SEC22A: variants seen among roughly 807,000 people sequenced by gnomAD.
SEC22A encodes SEC22 homolog A, vesicle trafficking protein, also known as vesicle-trafficking protein SEC22a.
SEC22A carries 22 observed loss-of-function variants against 35.3 expected under a neutral mutation model. That is an observed-to-expected ratio of 0.62 (90% confidence interval 0.45 to 0.89). The LOEUF is 0.89. Among genes scored for constraint, SEC22A ranks in the 40% least tolerant of loss-of-function variants. The pLI is 0.00. For synonymous variants in SEC22A, 119 were observed against 129.5 expected (o/e 0.92, Z 0.55); for missense variants, 354 against 362.5 (o/e 0.98, Z 0.19).
At chr3:123,223,389 A>G (rs1258547299) in intron 2 of SEC22A, among the ~76,000 whole-genome samples, 170 bp from the exon 3 acceptor site, 4 of 152,178 alleles carry the variant, frequency 2.6e-5, no homozygotes, top group Non-Finnish European at 5.9e-5. Context: ...ACAACTTAAA[A>G]TAGTGCTGTA....
At chr3:123,213,566 G>A (rs1044830891) in intron 2 of SEC22A, among the ~76,000 whole-genome samples, 3 of 151,904 alleles carry the variant, frequency 2.0e-5, no homozygotes, top group African/African-American at 4.8e-5. Context: ...TGTAGAACTC[G>A]GTTGACTGCC....
Position 123,273,387 on chromosome 3 carries a change from TCTC to T in SEC22A, c.*1669_*1671del, listed in dbSNP as rs1938215698. On this transcript the variant is annotated 3_prime_UTR_variant, in exon 7 of 7. Coordinates refer to ENST00000492595, the MANE Select transcript of SEC22A (RefSeq NM_012430.5). ...AGGAAATAGTAGTTGGCTCCAGTCT[TCTC>T]CTCTAACAAAAGTATGCATATTCTG... 2 of 152,164 alleles carry T rather than the reference TCTC, an allele frequency of 1.3e-5. No individual in the cohort carries two copies. Among genetic ancestry groups the T allele is most frequent in the Admixed American group, 1.3e-4 (2 of 15,282 alleles). 9.4% of individuals were successfully genotyped at this position (152,164 alleles called of 1,614,324 possible). A position where few individuals can be genotyped will look rare whatever the true frequency, so the allele number is the denominator to read the frequency against.
At chr3:123,271,466 A>AC in intron 6 of SEC22A, 56 bp from the exon 7 acceptor site, 1 of 1,424,864 alleles carries the variant, frequency 7.0e-7, no homozygotes. Context: ...TATATTAGAA[A>AC]CATCTGTTTC....
intron 5 of SEC22A, among the ~76,000 whole-genome samples, chr3:123,255,885 AC>A (rs1303448715): frequency 1.3e-5 from 2 of 149,838 alleles, no homozygotes; most frequent in Non-Finnish European, 3.0e-5. Flanking sequence ...ATTAACATCC[AC>A]CCCATATACC....
intron 6 of SEC22A, among the ~76,000 whole-genome samples, chr3:123,268,746 C>A (rs1449961803): frequency 6.6e-6 from 1 of 152,128 alleles, no homozygotes; most frequent in African/African-American, 2.4e-5. Flanking sequence ...CAGATTATTT[C>A]TGTTGTCTCC....
intron 2 of SEC22A, among the ~76,000 whole-genome samples, chr3:123,214,526 A>G (rs1409036861): frequency 6.6e-6 from 1 of 152,190 alleles, no homozygotes; most frequent in Non-Finnish European, 1.5e-5. Context: ...TGATATTCCA[A>G]TTCTCTCTAT....
chr3:123,223,489 C>A, intron 2 of SEC22A, 70 bp from the exon 3 acceptor site: 1 of 1,184,354 alleles, frequency 8.4e-7, no homozygotes, highest in Non-Finnish European at 1.2e-6. Context: ...TGTATAGAAC[C>A]AGTCTTGTGA....
chr3:123,216,964 C>G (rs1937037471), intron 2 of SEC22A, among the ~76,000 whole-genome samples: 1 of 152,010 alleles, frequency 6.6e-6, no homozygotes, highest in South Asian at 2.1e-4. Flanking sequence ...GTAGCTGTGA[C>G]TATGGGTGTG....
intron 5 of SEC22A, among the ~76,000 whole-genome samples, chr3:123,257,657 C>A (rs527916046): frequency 1.3e-5 from 2 of 152,062 alleles, no homozygotes; most frequent in Admixed American, 1.3e-4. Context: ...CGAGATCGCG[C>A]CACTGCATTC....
intron 5 of SEC22A, among the ~76,000 whole-genome samples, chr3:123,253,668 G>A (rs1203335252): frequency 6.8e-6 from 1 of 146,924 alleles, no homozygotes; most frequent in Non-Finnish European, 1.5e-5. Context: ...GCCGAAGATT[G>A]TGCCATTGCA....
At chr3:123,237,849 G>A (rs547061057) in intron 4 of SEC22A, among the ~76,000 whole-genome samples, 2 of 147,510 alleles carry the variant, frequency 1.4e-5, no homozygotes, top group Non-Finnish European at 3.0e-5. Context: ...TCTGGTATTT[G>A]TTATTGTTTT....
chr3:123,225,886 C>G (rs1576489573), intron 4 of SEC22A, among the ~76,000 whole-genome samples: 1 of 152,174 alleles, frequency 6.6e-6, no homozygotes, highest in Admixed American at 6.5e-5. Context: ...ATTCTACTCT[C>G]TTATCTCCAT....
At chr3:123,254,236 G>A (rs1937671784) in intron 5 of SEC22A, among the ~76,000 whole-genome samples, 1 of 151,592 alleles carries the variant, frequency 6.6e-6, no homozygotes, top group Non-Finnish European at 1.5e-5. Flanking sequence ...TGGCCAGGTT[G>A]GTCTTAAACT....
At chr3:123,211,535 C>G (rs1032416318) in intron 2 of SEC22A, among the ~76,000 whole-genome samples, 2 of 152,140 alleles carry the variant, frequency 1.3e-5, no homozygotes, top group Admixed American at 1.3e-4. Context: ...TGACAGCTCA[C>G]TGAGCCTCAA....
intron 5 of SEC22A, among the ~76,000 whole-genome samples, chr3:123,252,714 A>G (rs1229693684): frequency 2.0e-5 from 3 of 152,210 alleles, no homozygotes; most frequent in East Asian, 3.8e-4. Flanking sequence ...CATGTTATTA[A>G]TGGTGTTTGA....
intron 1 of SEC22A, among the ~76,000 whole-genome samples, chr3:123,202,801 A>G (rs1936773153): frequency 6.6e-6 from 1 of 152,166 alleles, no homozygotes. Flanking sequence ...AGTATCAGCC[A>G]CCAGACTGGA....
rs564985089 is a variant in SEC22A at position 123,208,817 on chromosome 3, C to T, written c.-19-382C>T. 21 of 181,418 alleles carry T rather than the reference C, an allele frequency of 1.2e-4. No homozygotes were observed. In the East Asian group the frequency reaches 1.5e-3, roughly 13 times the overall value. The allele number at this position is 181,418 out of a possible 1,614,324, so 11.2% of individuals were successfully genotyped here. Reference sequence around the variant, plus strand: ...TTTTGTTTTTTTTTTCCTCCTGAGACGGAGTCTCACTCTGTCGCCCAGGCT... The same window carrying T: ...TTTTGTTTTTTTTTTCCTCCTGAGATGGAGTCTCACTCTGTCGCCCAGGCT... On this transcript the variant is annotated intron_variant, in intron 1 of 6. Transcript: ENST00000492595.
chr3:123,254,819 G>T (rs1937684107), intron 5 of SEC22A, among the ~76,000 whole-genome samples: 1 of 151,732 alleles, frequency 6.6e-6, no homozygotes, highest in Admixed American at 6.6e-5. Context: ...GTGCCATGTT[G>T]GTGTGCTGCA....
At chr3:123,257,995 GA>G (rs61068587) in intron 5 of SEC22A, among the ~76,000 whole-genome samples, 6,576 of 111,326 alleles carry the variant, frequency 0.059, 281 homozygotes, top group African/African-American at 0.12. Context: ...CCATCTCATT[GA>G]AAAAAAAAAA....
Sources: gnomAD v4.1 joint callset for allele counts (sites outside exome capture counted in the v4.1 genomes callset) on GRCh38, gnomAD v4.1.1 for gene constraint, MANE v1.5 for transcripts, NCBI Gene and HGNC (gene_info 2026-07-23, HGNC 2026-07-21) for gene names.